SMARCC2: variants seen among roughly 807,000 people sequenced by gnomAD.
SMARCC2 encodes SWI/SNF complex subunit SMARCC2.
In SMARCC2, 15 loss-of-function variants were observed where a neutral mutation model predicts 151.3. The observed-to-expected ratio is 0.10, with a 90% CI of 0.07 to 0.15. The LOEUF is 0.15. SMARCC2 is among the 10% of genes least tolerant of loss of function. The pLI, the probability that SMARCC2 is intolerant of heterozygous loss-of-function variation, is 1.00. For synonymous variants in SMARCC2, 590 were observed against 609.5 expected, an observed-to-expected ratio of 0.97 and a Z score of 0.47; for missense variants, 1,031 against 1,599.7, an observed-to-expected ratio of 0.64 and a Z score of 6.06.
intron 7 of SMARCC2, 98 bp from the exon 8 acceptor site, chr12:56,182,177 G>A: frequency 1.3e-6 from 1 of 780,134 alleles, no homozygotes; most frequent in Non-Finnish European, 2.1e-6. Context: ...AGAAAGTATT[G>A]GGTTCTTGGC....
intron 11 of SMARCC2, among the ~76,000 whole-genome samples, chr12:56,179,559 T>A (rs1875707954): frequency 6.6e-6 from 1 of 152,178 alleles, no homozygotes; most frequent in Non-Finnish European, 1.5e-5. Flanking sequence ...ATACCTGGGG[T>A]GAGTCTACAG....
chr12:56,178,927 G>A (rs1042805076), intron 12 of SMARCC2, 70 bp downstream of exon 12: 14 of 1,601,622 alleles, frequency 8.7e-6, no homozygotes, highest in Admixed American at 6.7e-5. Context: ...TCAGGCTAGC[G>A]AAAAGGGGGC....
Position 56,171,800 on chromosome 12 carries a change from G to A in SMARCC2, c.2064C>T (p.Gly688=). ...AGGGGATGGGTTGGTAGGCCAGGGGGCCTAGGGAGGCCTCTGAGTCCTCCA... is the reference window on the plus strand; with the variant it reads ...AGGGGATGGGTTGGTAGGCCAGGGGACCTAGGGAGGCCTCTGAGTCCTCCA... ...PYLEDSEASL[G]PLAYQPIPFS... The change falls in exon 21 of 29, where the codon GGC becomes GGT. Residue 688 remains glycine (G), a synonymous_variant. Transcript: ENST00000550164. This position sits in a 1 kb window ranked among gnomAD's most constrained non-coding sequence, Gnocchi z 4.2. The A allele has an allele frequency of 1.2e-6, 2 of 1,613,956 alleles. No individual in the cohort carries two copies. The highest frequency in any genetic ancestry group is 1.7e-6 in the Non-Finnish European group (2 of 1,179,860).
intron 22 of SMARCC2, among the ~76,000 whole-genome samples, chr12:56,170,867 G>A (rs1387829411): frequency 6.6e-6 from 1 of 151,730 alleles, no homozygotes; most frequent in South Asian, 2.1e-4. Context: ...GAAGTAGCTG[G>A]GATTACAGGC....
chr12:56,168,111 T>C lies in SMARCC2; in HGVS notation c.2799A>G (p.Lys933=). Residue 933 remains lysine, a synonymous_variant, in exon 26 of 29, where the codon AAA becomes AAG. Transcript: ENST00000550164. The stretch of plus-strand genomic sequence containing the variant: ...TCTCCAGCTCCTCAAAGTGCCGAAG[T>C]TTGATCTCCAACTTTTTCATCTGGG... ...VETQMKKLEI[K]LRHFEELETI... 2 of 1,614,080 alleles carry C rather than the reference T, an allele frequency of 1.2e-6. No homozygotes were observed. Among genetic ancestry groups the C allele is most frequent in the Non-Finnish European group, 1.7e-6 (2 of 1,180,006 alleles).
At position 56,173,174 on chromosome 12, in the gene SMARCC2, G is replaced by A. The variant is rs1874279165; in HGVS notation, c.1651-145C>T. On this transcript the variant is annotated intron_variant, in intron 17 of 28. Coordinates refer to ENST00000550164, the MANE Select transcript of SMARCC2 (RefSeq NM_001330288.2). ...TCCATGTTCCCTTCATGATTAATAA[G>A]ACATGTCGTTGGCATGATATCCATA... The A allele has an allele frequency of 1.4e-5, 9 of 663,058 alleles. No individual in the cohort carries two copies. In the South Asian group the frequency reaches 1.5e-4, roughly 11 times the overall value. The allele number at this position is 663,058 out of a possible 1,614,324, so 41.1% of individuals were successfully genotyped here. A position where few individuals can be genotyped will look rare whatever the true frequency, so the allele number is the denominator to read the frequency against.
In SMARCC2 at chr12:56,181,559, C is replaced by T. The variant is rs761404008; in HGVS notation, c.879G>A (p.Gly293=). ...SPDSDRRDKK[G]GNYKKRKRSP... is the part of the protein sequence containing the mutation. ...AGCGCTTCCTCTTCTTATAGTTTCC[C>T]CCCTTCTTGTCCCGTCGATCTGAAT... The change falls in exon 10 of 29, where the codon GGG becomes GGA. Residue 293 remains glycine (G), a synonymous_variant. Coordinates refer to ENST00000550164, the MANE Select transcript of SMARCC2 (RefSeq NM_001330288.2). 1.9e-6 allele frequency: 3 copies of T among 1,589,732 alleles called. No homozygotes were observed. In the South Asian group the frequency reaches 3.5e-5, roughly 18 times the overall value.
intron 18 of SMARCC2, 53 bp from the exon 19 acceptor site, chr12:56,172,757 G>A (rs1874197434): frequency 6.2e-7 from 1 of 1,608,508 alleles, no homozygotes; most frequent in African/African-American, 1.3e-5. Context: ...CGGGAGCCAG[G>A]GGCTGACAGA....
In SMARCC2 at chr12:56,178,508, G is replaced by C. The variant is rs754530772; in HGVS notation, c.1206C>G (p.Asn402Lys). ...CTGGATTCTTGGTCTGCTCTCCCTTGTTCCCCGTACTGTTCTCATCCTCAT... is the reference window on the plus strand; with the variant it reads ...CTGGATTCTTGGTCTGCTCTCCCTTCTTCCCCGTACTGTTCTCATCCTCAT... ...GKDEDENSTG[N>K]KGEQTKNPDL... The change falls in exon 14 of 29, where the codon AAC becomes AAG. Residue 402 changes from asparagine to lysine, a missense_variant. Coordinates refer to ENST00000550164, the MANE Select transcript of SMARCC2 (RefSeq NM_001330288.2). The C allele has an allele frequency of 6.2e-7, 1 of 1,614,062 alleles. No individual in the cohort carries two copies. The highest frequency in any genetic ancestry group is 1.3e-5 in the African/African-American group (1 of 74,920).
chr12:56,182,050 A>G lies in SMARCC2; in HGVS notation c.662T>C (p.Ile221Thr), dbSNP rs770880311. Residue 221 changes from isoleucine to threonine, a missense_variant, in exon 8 of 29, where the codon ATT (isoleucine) becomes ACT (threonine). Ile to Thr is a moderately conservative substitution (Grantham distance 89). Around this residue, in one of 12 missense-constraint regions of SMARCC2, gnomAD observed 123 missense variants for 190.4 expected, o/e 0.65. Coordinates refer to ENST00000550164, the MANE Select transcript of SMARCC2 (RefSeq NM_001330288.2). ...TGGAGCATCTTCCACAGATGCCTCA[A>G]TTTCACTCGCTGGGATCCACGTGTC... ...SYDTWIPASE[I>T]EASVEDAPTP... The G allele has an allele frequency of 8.7e-6, 14 of 1,613,452 alleles. No individual in the cohort carries two copies. Among genetic ancestry groups the G allele is most frequent in the Non-Finnish European group, 1.2e-5 (14 of 1,179,686 alleles).
chr12:56,171,115 A>G lies in SMARCC2; in HGVS notation c.2347+156T>C, dbSNP rs1427781825. Among the ~76,000 whole-genome samples, 1 of 152,204 alleles carries G rather than the reference A, an allele frequency of 6.6e-6. No homozygotes were observed. The highest frequency in any genetic ancestry group is 1.5e-5 in the Non-Finnish European group (1 of 68,036). On this transcript the variant is annotated intron_variant, in intron 22 of 28. Coordinates refer to ENST00000550164, the MANE Select transcript of SMARCC2 (RefSeq NM_001330288.2). The surrounding 1 kb of genome is among the most constrained non-coding windows in gnomAD (Gnocchi z 4.2). ...CATGAGAGGACTAGTAGGGCTCCAG[A>G]GCCCCTGAGGTAAACTCATGGGGAA... is the stretch of plus-strand genomic sequence containing the variant.
At chr12:56,181,324 C>T (rs890690270) in intron 10 of SMARCC2, 158 bp downstream of exon 10, 2 of 642,938 alleles carry the variant, frequency 3.1e-6, no homozygotes, top group African/African-American at 1.8e-5. Context: ...AACAACTGAG[C>T]AGCTAAAGAT....
chr12:56,163,640 A>T lies in SMARCC2; in HGVS notation c.*49T>A. The T allele has an allele frequency of 9.2e-7, 1 of 1,089,202 alleles. No individual in the cohort carries two copies. 67.5% of individuals were successfully genotyped at this position (1,089,202 alleles called of 1,614,324 possible). A position where few individuals can be genotyped will look rare whatever the true frequency, so the allele number is the denominator to read the frequency against. ...GTGGTGGGGGAAGGGCTGTTCCTGG[A>T]ACCGTGATGTCCACAGGGGGTGAGG... On this transcript the variant is annotated 3_prime_UTR_variant, in exon 29 of 29. Transcript: ENST00000550164.
At chr12:56,167,446 A>C (rs1257586827) in intron 26 of SMARCC2, among the ~76,000 whole-genome samples, 1 of 152,228 alleles carries the variant, frequency 6.6e-6, no homozygotes, top group East Asian at 1.9e-4. Flanking sequence ...CAAGTGATCC[A>C]TCTGCCTCAG....
At chr12:56,164,249 C>T in intron 28 of SMARCC2, 54 bp downstream of exon 28, 1 of 1,533,982 alleles carries the variant, frequency 6.5e-7, no homozygotes, top group African/African-American at 1.4e-5. Context: ...CGCTCACCCT[C>T]CCTCCAGGTG....
At chr12:56,175,822 C>A (rs1874840928) in intron 15 of SMARCC2, among the ~76,000 whole-genome samples, 1 of 152,028 alleles carries the variant, frequency 6.6e-6, no homozygotes, top group African/African-American at 2.4e-5. Context: ...CTGGGAGATA[C>A]TAAGCTCTCA....
intron 2 of SMARCC2, 109 bp from the exon 3 acceptor site, chr12:56,186,349 CTT>C (rs371880557): frequency 0.04 from 20,459 of 513,532 alleles, no homozygotes; most frequent in East Asian, 0.05. Context: ...ATTGATCTCC[CTT>C]TTTTTTTTTT....
At chr12:56,169,979 C>A in intron 23 of SMARCC2, 68 bp from the exon 24 acceptor site, 2 of 1,504,762 alleles carry the variant, frequency 1.3e-6, no homozygotes, top group East Asian at 2.3e-5. Flanking sequence ...CACAGAGGGG[C>A]CAGACGGGGA....
At chr12:56,176,863 C>T (rs1315724038) in intron 15 of SMARCC2, among the ~76,000 whole-genome samples, 2 of 151,684 alleles carry the variant, frequency 1.3e-5, no homozygotes, top group Admixed American at 1.3e-4. Flanking sequence ...CTCTTGTTGC[C>T]CAGGCTGGAG....
Sources: allele counts gnomAD v4.1 joint callset (sites outside exome capture counted in the v4.1 genomes callset), GRCh38; gene constraint gnomAD v4.1.1; regional missense constraint gnomAD v4.1.1; non-coding constraint Gnocchi (gnomAD v3.1); transcripts MANE v1.5; gene names NCBI Gene and HGNC (gene_info 2026-07-23, HGNC 2026-07-21).